HERC3: variants seen among roughly 807,000 people sequenced by gnomAD.
HERC3 encodes the protein HECT and RLD domain containing E3 ubiquitin protein ligase 3, also known as probable E3 ubiquitin-protein ligase HERC3.
HERC3 carries 58 observed loss-of-function variants against 129.9 expected under a neutral mutation model. That is an observed-to-expected ratio of 0.45 (90% CI 0.36 to 0.56). HERC3 has a LOEUF of 0.56. HERC3 is among the 20% of genes least tolerant of loss of function. The probability of loss-of-function intolerance (pLI) is 0.00; values close to 1 mark genes in which losing one functional copy is unlikely to be tolerated. For synonymous variants in HERC3, 430 were observed against 451.0 expected, an observed-to-expected ratio of 0.95 and a Z score of 0.59; for missense variants, 835 against 1,244.2, an observed-to-expected ratio of 0.67 and a Z score of 4.95.
At chr4:88,684,484 T>A (rs1733174048) in intron 21 of HERC3, among the ~76,000 whole-genome samples, 1 of 152,144 alleles carries the variant, frequency 6.6e-6, no homozygotes, top group South Asian at 2.1e-4. Context: ...GATTAAAGAC[T>A]TAAATGTAAA....
chr4:88,635,810 A>G (rs1202335117), intron 3 of HERC3, among the ~76,000 whole-genome samples: 1 of 152,150 alleles, frequency 6.6e-6, no homozygotes, highest in Non-Finnish European at 1.5e-5. Context: ...CTCAGCAGAA[A>G]CCCTACAAGC....
chr4:88,575,205 T>C, the HERC3 span, among the ~76,000 whole-genome samples: 2 of 152,240 alleles, frequency 1.3e-5, no homozygotes, highest in African/African-American at 4.8e-5. Flanking sequence ...AGAACACCAG[T>C]GAATATACAC....
chr4:88,618,213 T>G (rs1241600260), intron 3 of HERC3, among the ~76,000 whole-genome samples: 3 of 152,216 alleles, frequency 2.0e-5, no homozygotes, highest in Non-Finnish European at 2.9e-5. Context: ...AGGTTAGCCA[T>G]GAATAAGAAA....
intron 3 of HERC3, among the ~76,000 whole-genome samples, chr4:88,625,504 T>G (rs748320600): frequency 1.6e-4 from 25 of 152,208 alleles, no homozygotes; most frequent in Non-Finnish European, 4.4e-5. Flanking sequence ...AGAAATATGA[T>G]TGATTTTTGT....
At chr4:88,599,822 C>G (rs1722788258) in intron 2 of HERC3, among the ~76,000 whole-genome samples, 1 of 152,148 alleles carries the variant, frequency 6.6e-6, no homozygotes, top group Non-Finnish European at 1.5e-5. Context: ...CACCCATCCA[C>G]TTTTAGGAAA....
intron 3 of HERC3, among the ~76,000 whole-genome samples, chr4:88,617,425 T>C (rs781630470): frequency 6.6e-5 from 10 of 152,068 alleles, no homozygotes; most frequent in Non-Finnish European, 1.5e-4. Context: ...TTGTGATTAG[T>C]TTATCACATT....
chr4:88,540,487 G>A, the HERC3 span, among the ~76,000 whole-genome samples: 1 of 152,234 alleles, frequency 6.6e-6, no homozygotes, highest in East Asian at 1.9e-4. Context: ...ACCTGAAAGT[G>A]ACAGGGAGAA....
At chr4:88,589,851 CTATT>C (rs1721617126), upstream of HERC3, among the ~76,000 whole-genome samples, 1 of 152,140 alleles carries the variant, frequency 6.6e-6, no homozygotes, top group South Asian at 2.1e-4. Flanking sequence ...CAGGGTTTGG[CTATT>C]TATTTGGTAA....
At chr4:88,527,085 C>T in the HERC3 span, 5 of 152,134 alleles carry the variant, frequency 3.3e-5, no homozygotes, top group Non-Finnish European at 5.9e-5. Context: ...TTGTTTTGGC[C>T]ATCTGAAGGA....
At chr4:88,626,767 G>A (rs939797937) in intron 3 of HERC3, among the ~76,000 whole-genome samples, 1 of 151,976 alleles carries the variant, frequency 6.6e-6, no homozygotes, top group Non-Finnish European at 1.5e-5. Context: ...TGTTTTTCTG[G>A]TATAGCACTT....
At chr4:88,687,498 C>G (rs1039972066) in intron 23 of HERC3, among the ~76,000 whole-genome samples, 199 bp downstream of exon 23, 1 of 152,164 alleles carries the variant, frequency 6.6e-6, no homozygotes, top group Non-Finnish European at 1.5e-5. Context: ...CAGGAGATGA[C>G]TGTTTTAGTT....
intron 3 of HERC3, among the ~76,000 whole-genome samples, chr4:88,615,304 G>T (rs1724786562): frequency 6.6e-6 from 1 of 152,078 alleles, no homozygotes; most frequent in South Asian, 2.1e-4. Flanking sequence ...GGTATATCTG[G>T]TCAGCTGATA....
chr4:88,533,768 C>A, the HERC3 span, among the ~76,000 whole-genome samples: 4 of 152,286 alleles, frequency 2.6e-5, no homozygotes, highest in African/African-American at 9.6e-5. Flanking sequence ...CATACATAGT[C>A]CTAATTTCTT....
intron 3 of HERC3, among the ~76,000 whole-genome samples, chr4:88,613,600 C>T (rs904721783): frequency 3.9e-5 from 6 of 152,222 alleles, no homozygotes; most frequent in African/African-American, 1.4e-4. Context: ...TTAATCAGCT[C>T]TTGCTGAAAA....
intron 3 of HERC3, among the ~76,000 whole-genome samples, chr4:88,635,783 AG>A (rs1427002458): frequency 1.3e-5 from 2 of 152,228 alleles, no homozygotes; most frequent in African/African-American, 2.4e-5. Context: ...GAAGCCCACC[AG>A]ACTAACAGCA....
At chr4:88,613,582 CTG>C (rs1724588020) in intron 3 of HERC3, among the ~76,000 whole-genome samples, 1 of 152,226 alleles carries the variant, frequency 6.6e-6, no homozygotes, top group South Asian at 2.1e-4. Context: ...CGCAATAACT[CTG>C]TCATGTTAAT....
the HERC3 span, among the ~76,000 whole-genome samples, chr4:88,584,673 T>G: frequency 1.3e-5 from 2 of 152,192 alleles, no homozygotes; most frequent in East Asian, 3.8e-4. Flanking sequence ...AGAGTTCCTC[T>G]CTCTTTACCT....
chr4:88,572,585 T>G, the HERC3 span, among the ~76,000 whole-genome samples: 2 of 151,782 alleles, frequency 1.3e-5, no homozygotes, highest in African/African-American at 2.4e-5. Flanking sequence ...CCAAGGTGGG[T>G]GTATCACGAG....
chr4:88,603,427 C>G (rs1385368318), intron 2 of HERC3, among the ~76,000 whole-genome samples: 2 of 151,982 alleles, frequency 1.3e-5, no homozygotes, highest in Non-Finnish European at 2.9e-5. Flanking sequence ...AGGCTGGTCT[C>G]GAACTCCTTC....
Sources: allele counts gnomAD v4.1 joint callset (sites outside exome capture counted in the v4.1 genomes callset), GRCh38; gene constraint gnomAD v4.1.1; transcripts MANE v1.5; gene names NCBI Gene and HGNC (gene_info 2026-07-23, HGNC 2026-07-21).